LCK: variants seen among roughly 807,000 people sequenced by gnomAD.
LCK encodes tyrosine-protein kinase Lck.
Under a neutral mutation model 64.6 loss-of-function variants are expected in LCK, and 14 were observed. That is an observed-to-expected ratio of 0.22 (90% CI 0.14 to 0.34). LCK has a LOEUF of 0.34. Among genes scored for constraint, LCK ranks in the 10% least tolerant of loss-of-function variants. LCK has a pLI of 1.00. For synonymous variants in LCK, 277 were observed against 263.6 expected (o/e 1.05, Z -0.49); for missense variants, 434 against 668.1 (o/e 0.65, Z 3.86).
rs371123587 is a variant in LCK, at chr1:32,276,315, C to T, written c.632-22C>T. 1.7e-4 allele frequency: 259 copies of T among 1,539,092 alleles called. No individual in the cohort carries two copies. The highest frequency in any genetic ancestry group is 2.2e-4 in the Non-Finnish European group (250 of 1,145,722). ...CGAGGCCTGCCCTATTGACAGCCTT[C>T]ACCCCTCCCTCGTCCTCGCAGATGC... On this transcript the variant is annotated intron_variant, in intron 7 of 12. Coordinates refer to ENST00000336890, the MANE Select transcript of LCK (RefSeq NM_005356.5). The surrounding 1 kb of genome is among the most constrained non-coding windows in gnomAD (Gnocchi z 4.6).
rs188058742 is a variant in LCK, at chr1:32,280,185, C to T, written c.1302C>T (p.Val434=). ...WSFGILLTEI[V]THGRIPYPGM... is the part of the protein sequence containing the mutation. ...TTGGGATCCTGCTGACGGAAATTGT[C>T]ACCCACGGCCGCATCCCTTACCCAG... Residue 434 remains valine, a synonymous_variant, in exon 12 of 13, where the codon GTC becomes GTT. Coordinates refer to ENST00000336890, the MANE Select transcript of LCK (RefSeq NM_005356.5). 3.7e-6 allele frequency: 6 copies of T among 1,614,124 alleles called. No homozygotes were observed. Among genetic ancestry groups the T allele is most frequent in the Admixed American group, 3.3e-5 (2 of 60,000 alleles).
intron 12 of LCK, among the ~76,000 whole-genome samples, chr1:32,284,650 A>G (rs1640563059): frequency 2.6e-5 from 4 of 152,122 alleles, no homozygotes; most frequent in Admixed American, 2.6e-4. Flanking sequence ...GATTACAGGC[A>G]TGAGCCACCA....
At chr1:32,260,766 C>A (rs1305476344) in intron 1 of LCK, among the ~76,000 whole-genome samples, 1 of 151,856 alleles carries the variant, frequency 6.6e-6, no homozygotes, top group Non-Finnish European at 1.5e-5. Context: ...GGACTACAGG[C>A]GTGCACCACC....
rs1009900567 is a variant in LCK, at chr1:32,254,754, C to T, written c.-6+3383C>T. Among the ~76,000 whole-genome samples the T allele has an allele frequency of 3.3e-5, 5 of 152,164 alleles. No homozygotes were observed. The East Asian group carries it at 5.8e-4, about 18-fold the overall frequency. ...CTTGAACTCCCGATCTCAGGTGATC[C>T]GCCTGCCTCAGCCTCCCAAAGTGCT... On this transcript the variant is annotated intron_variant, in intron 1 of 12. Coordinates refer to ENST00000336890, the MANE Select transcript of LCK (RefSeq NM_005356.5).
intron 1 of LCK, among the ~76,000 whole-genome samples, chr1:32,272,638 AGAGAGAGAGAGC>A (rs1388646094): frequency 0.012 from 1,714 of 140,724 alleles, 53 homozygotes; most frequent in African/African-American, 0.052. Flanking sequence ...AGAGAGAGAG[AGAGAGAGAGAGC>A]GAGAGAGCGC....
intron 12 of LCK, among the ~76,000 whole-genome samples, chr1:32,281,889 C>T (rs1471185578): frequency 1.3e-5 from 2 of 151,750 alleles, no homozygotes; most frequent in East Asian, 1.9e-4. Flanking sequence ...ATGGTGAAAC[C>T]CCGTCTCTAC....
Position 32,276,095 on chromosome 1 carries a change from T to C in LCK, c.631+32T>C. ...CCGACGGGACCCCTCCCCCGTGCCCTATCAGCCTATCTCCCCTCAGTCCCC... is the reference window on the plus strand; with the variant it reads ...CCGACGGGACCCCTCCCCCGTGCCCCATCAGCCTATCTCCCCTCAGTCCCC... On this transcript the variant is annotated intron_variant, in intron 7 of 12. Transcript: ENST00000336890. The surrounding 1 kb of genome is among the most constrained non-coding windows in gnomAD (Gnocchi z 4.6). 2.5e-6 allele frequency: 4 copies of C among 1,610,744 alleles called. No homozygotes were observed. The highest frequency in any genetic ancestry group is 2.5e-6 in the Non-Finnish European group (3 of 1,178,240).
chr1:32,284,325 A>G (rs868827394), intron 12 of LCK, among the ~76,000 whole-genome samples: 1 of 146,948 alleles, frequency 6.8e-6, no homozygotes, highest in African/African-American at 2.5e-5. Flanking sequence ...AGATATATAT[A>G]TGTGAGATAT....
At chr1:32,269,148 G>A (rs1640010424) in intron 1 of LCK, among the ~76,000 whole-genome samples, 1 of 150,344 alleles carries the variant, frequency 6.7e-6, no homozygotes, top group Non-Finnish European at 1.5e-5. Context: ...AAAGAAACAG[G>A]AGTCTAGGCT....
intron 1 of LCK, among the ~76,000 whole-genome samples, chr1:32,257,092 G>A (rs1461904324): frequency 6.6e-6 from 1 of 152,080 alleles, no homozygotes; most frequent in Admixed American, 6.6e-5. Context: ...TATTATATGA[G>A]ATCATCTATA....
chr1:32,254,941 G>A (rs1354681477), intron 1 of LCK, among the ~76,000 whole-genome samples: 1 of 152,104 alleles, frequency 6.6e-6, no homozygotes, highest in South Asian at 2.1e-4. Context: ...ATGGGCCCAG[G>A]AGTTTGAGAC....
chr1:32,264,109 G>A (rs1020630552), intron 1 of LCK, among the ~76,000 whole-genome samples: 1 of 152,072 alleles, frequency 6.6e-6, no homozygotes, highest in African/African-American at 2.4e-5. Flanking sequence ...AGGGCTCACT[G>A]CATATGTTTT....
At chr1:32,280,272 C>T in intron 12 of LCK, 62 bp downstream of exon 12, 1 of 1,592,964 alleles carries the variant, frequency 6.3e-7, no homozygotes, top group South Asian at 1.1e-5. Flanking sequence ...TCTTCCCATT[C>T]AATTCTTTCC....
intron 9 of LCK, chr1:32,279,439 T>A: frequency 3.1e-6 from 2 of 641,892 alleles, no homozygotes; most frequent in Non-Finnish European, 2.6e-6. Flanking sequence ...TCTACCTTAT[T>A]GGTGATGAAA....
chr1:32,260,711 C>T lies in LCK; in HGVS notation c.-6+9340C>T, dbSNP rs114816625. 6.9e-3 allele frequency among the ~76,000 whole-genome samples: 1,048 copies of T among 152,186 alleles called. 2 individuals carry two copies. The highest frequency in any genetic ancestry group is 0.034 in the Middle Eastern group (10 of 294). ...GATATTGGCTCACTGCAACCTCAAC[C>T]TCCTGGGCTCAGCGATCCTCCTACC... On this transcript the variant is annotated intron_variant, in intron 1 of 12. Coordinates refer to ENST00000336890, the MANE Select transcript of LCK (RefSeq NM_005356.5).
intron 12 of LCK, among the ~76,000 whole-genome samples, chr1:32,283,400 C>T (rs1640520474): frequency 6.6e-6 from 1 of 151,944 alleles, no homozygotes; most frequent in South Asian, 2.1e-4. Context: ...CCAAGCTTTC[C>T]AGGAGCAAAA....
chr1:32,264,101 G>A (rs1004420), intron 1 of LCK, among the ~76,000 whole-genome samples: 13 of 151,816 alleles, frequency 8.6e-5, no homozygotes, highest in Admixed American at 1.3e-4. Context: ...ATAAGCACAG[G>A]GCTCACTGCA....
chr1:32,253,128 G>A (rs2124297438), intron 1 of LCK, among the ~76,000 whole-genome samples: 1 of 152,276 alleles, frequency 6.6e-6, no homozygotes, highest in Non-Finnish European at 1.5e-5. Context: ...CACTTTGGGA[G>A]GCTGAGGCGG....
intron 1 of LCK, among the ~76,000 whole-genome samples, chr1:32,255,471 A>G (rs1485615536): frequency 6.6e-6 from 1 of 152,224 alleles, no homozygotes; most frequent in Non-Finnish European, 1.5e-5. Context: ...TTCCGTGTCA[A>G]TACATGTCAA....
Sources: allele counts gnomAD v4.1 joint callset (sites outside exome capture counted in the v4.1 genomes callset), GRCh38; gene constraint gnomAD v4.1.1; non-coding constraint Gnocchi (gnomAD v3.1); transcripts MANE v1.5; gene names NCBI Gene and HGNC (gene_info 2026-07-23, HGNC 2026-07-21).